The following ERCC6L variants were observed in gnomAD, a reference collection of about 807,000 sequenced individuals.
ERCC6L encodes the protein ERCC excision repair 6 like, spindle assembly checkpoint helicase.
ERCC6L carries 7 observed loss-of-function variants against 20.1 expected under a neutral mutation model. That is an observed-to-expected ratio of 0.35 (90% CI 0.20 to 0.65). The LOEUF (loss-of-function observed/expected upper bound fraction) is 0.65. Ranked by LOEUF, ERCC6L falls within the 30% of genes least tolerant of loss-of-function variation. The pLI, the probability that ERCC6L is intolerant of heterozygous loss-of-function variation, is 0.69. For synonymous variants in ERCC6L, 278 were observed against 331.3 expected, an observed-to-expected ratio of 0.84 and a Z score of 1.75; for missense variants, 592 against 892.4, an observed-to-expected ratio of 0.66 and a Z score of 4.29.
At chrX:72,234,201 A>C (rs909206286) in intron 1 of ERCC6L, among the ~76,000 whole-genome samples, 8 of 112,458 alleles carry the variant, frequency 7.1e-5, no homozygotes, top group African/African-American at 2.6e-4. Flanking sequence ...TTATCTTAGA[A>C]GATATGAGGA....
chrX:72,226,042 A>G (rs1236872391), intron 1 of ERCC6L, among the ~76,000 whole-genome samples: 2 of 111,621 alleles, frequency 1.8e-5, no homozygotes, highest in African/African-American at 6.5e-5. Flanking sequence ...CTCAGCCATA[A>G]GGCGCTAAGC....
intron 1 of ERCC6L, among the ~76,000 whole-genome samples, chrX:72,234,286 A>C (rs1344394341): frequency 8.9e-6 from 1 of 112,138 alleles, no homozygotes; most frequent in African/African-American, 3.2e-5. Context: ...TCCTTGGAAG[A>C]CTAATGAATC....
intron 1 of ERCC6L, among the ~76,000 whole-genome samples, chrX:72,211,791 A>T: frequency 9.0e-6 from 1 of 111,072 alleles, no homozygotes; most frequent in Non-Finnish European, 1.9e-5. Flanking sequence ...TCAAAAATAA[A>T]AAAAAAAAGA....
At chrX:72,210,726 G>C (rs1439039677) in intron 1 of ERCC6L, among the ~76,000 whole-genome samples, 4 of 111,391 alleles carry the variant, frequency 3.6e-5, no homozygotes, top group African/African-American at 1.3e-4. Context: ...AATACTTATT[G>C]CTGTGCTCTA....
At chrX:72,219,937 C>G (rs2042913239) in intron 1 of ERCC6L, among the ~76,000 whole-genome samples, 1 of 111,069 alleles carries the variant, frequency 9.0e-6, no homozygotes, top group South Asian at 3.8e-4. Context: ...TGCCTTGTTC[C>G]TGATATGAGC....
At chrX:72,215,438 G>A (rs1343808220) in intron 1 of ERCC6L, among the ~76,000 whole-genome samples, 1 of 111,986 alleles carries the variant, frequency 8.9e-6, no homozygotes, top group African/African-American at 3.2e-5. Context: ...TTTATATGCT[G>A]AAGTGTTTAG....
At position 72,204,688 on chromosome X, in the gene ERCC6L, C is replaced by A. The variant is rs1317352722; in HGVS notation, c.*326G>T. On this transcript the variant is annotated 3_prime_UTR_variant, in exon 2 of 2. Coordinates refer to ENST00000334463, the MANE Select transcript of ERCC6L (RefSeq NM_017669.4). ...ACTTGAGAAAAGTAACTTTAATTTT[C>A]TTATCTGAACTGTTATATACAAAGA... The A allele has an allele frequency of 1.5e-5, 2 of 132,715 alleles. No homozygotes were observed. The highest frequency in any genetic ancestry group is 6.3e-5 in the African/African-American group (2 of 31,778). The allele number at this position is 132,715 out of a possible 1,213,427, so 10.9% of individuals were successfully genotyped here.
rs778413231 is a variant in ERCC6L, at chrX:72,205,403, C to A, written c.3364G>T (p.Gly1122Cys). The change falls in exon 2 of 2, where the codon GGT becomes TGT. Residue 1122 changes from glycine (G) to cysteine (C), a missense_variant. By Grantham distance (159) the Gly-to-Cys change is radical (BLOSUM62 -3). Transcript: ENST00000334463. ...CCTTCTTCTGGATAATCTTCAGGAC[C>A]CTTTGCTTCACTGCTGTCGTCAAGT... ...ERLDDSSEAK[G>C]PEDYPEEGVE... is the part of the protein sequence containing the mutation. 27 of 1,210,394 alleles carry A rather than the reference C, an allele frequency of 2.2e-5. No individual in the cohort carries two copies. Among genetic ancestry groups the A allele is most frequent in the Non-Finnish European group, 2.9e-5 (26 of 895,307 alleles).
At chrX:72,229,692 C>G (rs1332868295) in intron 1 of ERCC6L, among the ~76,000 whole-genome samples, 1 of 111,479 alleles carries the variant, frequency 9.0e-6, no homozygotes, top group Non-Finnish European at 1.9e-5. Flanking sequence ...TGGACTTGTT[C>G]CTCCTGATCG....
intron 1 of ERCC6L, among the ~76,000 whole-genome samples, chrX:72,212,269 C>CA (rs201108348): frequency 1.7e-3 from 177 of 105,931 alleles, no homozygotes; most frequent in African/African-American, 4.4e-3. Flanking sequence ...GACCCCATCT[C>CA]AAAAAAAATA....
chrX:72,213,768 A>G (rs776887189), intron 1 of ERCC6L, among the ~76,000 whole-genome samples: 1 of 112,089 alleles, frequency 8.9e-6, no homozygotes, highest in South Asian at 3.7e-4. Context: ...CACGGCTTCT[A>G]ATAGAGCTAT....
intron 1 of ERCC6L, among the ~76,000 whole-genome samples, chrX:72,219,676 C>T (rs865829215): frequency 1.8e-5 from 2 of 109,123 alleles, no homozygotes; most frequent in East Asian, 2.9e-4. Context: ...GAAGAAGCCC[C>T]GCCTCTACTA....
intron 1 of ERCC6L, among the ~76,000 whole-genome samples, chrX:72,219,612 C>G (rs1290038551): frequency 4.5e-5 from 5 of 110,319 alleles, no homozygotes; most frequent in Admixed American, 2.9e-4. Context: ...CTTTGGGAGG[C>G]CAAGGCGGGC....
intron 1 of ERCC6L, chrX:72,238,061 G>C (rs2043027582): frequency 9.0e-6 from 1 of 111,675 alleles, no homozygotes; most frequent in Non-Finnish European, 1.9e-5. Flanking sequence ...TTTCAGTTTT[G>C]CCACATGAGA....
At chrX:72,235,804 GGT>G (rs2043014483) in intron 1 of ERCC6L, among the ~76,000 whole-genome samples, 1 of 111,855 alleles carries the variant, frequency 8.9e-6, no homozygotes, top group African/African-American at 3.3e-5. Context: ...ACCATATGAG[GGT>G]AACATATTCA....
rs1440497743 is a variant in ERCC6L at position 72,207,957 on chromosome X, T to C, written c.810A>G (p.Leu270=). Residue 270 remains leucine, a synonymous_variant, in exon 2 of 2, where the codon CTA becomes CTG. Coordinates refer to ENST00000334463, the MANE Select transcript of ERCC6L (RefSeq NM_017669.4). ...IQNNLQELWS[L]FDFACQGSLL... ...GGGACCCTTGACAAGCAAAATCAAA[T>C]AGGGACCATAGTTCTTGTAAATTAT... is the stretch of plus-strand genomic sequence containing the variant. 2 of 1,209,486 alleles carry C rather than the reference T, an allele frequency of 1.7e-6. No homozygotes were observed. Among genetic ancestry groups the C allele is most frequent in the Non-Finnish European group, 2.2e-6 (2 of 895,094 alleles).
At chrX:72,212,033 G>C (rs1198336556) in intron 1 of ERCC6L, among the ~76,000 whole-genome samples, 4 of 111,133 alleles carry the variant, frequency 3.6e-5, no homozygotes, top group Non-Finnish European at 7.5e-5. Flanking sequence ...CCAGCACTTT[G>C]GGAGGCTGAG....
At position 72,208,587 on chromosome X, in the gene ERCC6L, G is replaced by A. The variant is rs750718719; in HGVS notation, c.180C>T (p.Ile60=). 14 of 1,209,713 alleles carry A rather than the reference G, an allele frequency of 1.2e-5. No individual in the cohort carries two copies. Among genetic ancestry groups the A allele is most frequent in the Non-Finnish European group, 1.5e-5 (13 of 895,089 alleles). The part of the protein sequence containing the change: ...IFPNEKVLSR[I]QKIQEALEEL... ...CCTCCAAGGCTTCCTGTATTTTTTG[G>A]ATTCTGCTCAGCACTTTTTCATTGG... Residue 60 remains isoleucine, a synonymous_variant, in exon 2 of 2, where the codon ATC becomes ATT. Coordinates refer to ENST00000334463, the MANE Select transcript of ERCC6L (RefSeq NM_017669.4).
At chrX:72,219,380 C>A (rs1241858658) in intron 1 of ERCC6L, among the ~76,000 whole-genome samples, 4 of 108,512 alleles carry the variant, frequency 3.7e-5, no homozygotes, top group African/African-American at 1.4e-4. Context: ...ATGGTGAAAC[C>A]CCATCTCTAC....
Sources: gnomAD v4.1 joint callset for allele counts (sites outside exome capture counted in the v4.1 genomes callset) on GRCh38, gnomAD v4.1.1 for gene constraint, MANE v1.5 for transcripts, NCBI Gene and HGNC (gene_info 2026-07-23, HGNC 2026-07-21) for gene names.